The following CACNA1C variants were observed in gnomAD, a reference collection of about 807,000 sequenced individuals.
CACNA1C encodes voltage-dependent L-type calcium channel subunit alpha-1C.
A neutral mutation model predicts 229.0 loss-of-function variants in CACNA1C; 30 were observed. The observed-to-expected ratio is 0.13, with a 90% CI of 0.10 to 0.18. CACNA1C has a LOEUF of 0.18. Among genes scored for constraint, CACNA1C ranks in the 10% least tolerant of loss-of-function variants. The probability of loss-of-function intolerance (pLI) is 1.00; values close to 1 mark genes in which losing one functional copy is unlikely to be tolerated. For synonymous variants in CACNA1C, 1,114 were observed against 1,132.5 expected (o/e 0.98, Z 0.33); for missense variants, 1,658 against 2,845.0 (o/e 0.58, Z 9.49).
chr12:2,679,823 C>G lies in CACNA1C; in HGVS notation c.5444+27C>G, dbSNP rs570602398. 2.7e-6 allele frequency: 4 copies of G among 1,475,734 alleles called. No homozygotes were observed. The highest frequency in any genetic ancestry group is 2.5e-5 in the East Asian group (1 of 40,454). 91.4% of individuals were successfully genotyped at this position (1,475,734 alleles called of 1,614,324 possible). A position where few individuals can be genotyped will look rare whatever the true frequency, so the allele number is the denominator to read the frequency against. On this transcript the variant is annotated intron_variant, in intron 42 of 46. Transcript: ENST00000399655. This position sits in a 1 kb window ranked among gnomAD's most constrained non-coding sequence, Gnocchi z 5.5. ...TAAGTGGGAGGCTGGCCACCCCAGG[C>G]GGCACACAGGGCCCACGTGCTGCAA...
At chr12:2,129,072 C>T (rs1201034489) in intron 3 of CACNA1C, among the ~76,000 whole-genome samples, 1 of 152,202 alleles carries the variant, frequency 6.6e-6, no homozygotes, top group Non-Finnish European at 1.5e-5. Context: ...CTTTCCCACT[C>T]ATACCATCAC....
chr12:2,445,657 C>T (rs2099270467), intron 3 of CACNA1C, among the ~76,000 whole-genome samples: 1 of 152,120 alleles, frequency 6.6e-6, no homozygotes, highest in Non-Finnish European at 1.5e-5. Context: ...AACCTGTACC[C>T]AAGTGGAGGG....
chr12:2,603,838 C>T (rs1040750071), intron 22 of CACNA1C: 1 of 152,202 alleles, frequency 6.6e-6, no homozygotes, highest in African/African-American at 2.4e-5. Context: ...TACACAGAGC[C>T]TATAGAATGC....
chr12:2,373,108 G>A (rs1001832610), intron 3 of CACNA1C, among the ~76,000 whole-genome samples: 21 of 152,210 alleles, frequency 1.4e-4, no homozygotes, highest in Admixed American at 1.0e-3. Flanking sequence ...AAAGCATCTC[G>A]TTGTTCTTTA....
At chr12:2,241,207 T>C (rs1018400437) in intron 3 of CACNA1C, among the ~76,000 whole-genome samples, 4 of 152,126 alleles carry the variant, frequency 2.6e-5, no homozygotes, top group Non-Finnish European at 5.9e-5. Flanking sequence ...AGCCCCGCTA[T>C]GTCCCCGCGC....
chr12:2,336,022 CA>C (rs34731308), intron 3 of CACNA1C, among the ~76,000 whole-genome samples: 3,809 of 92,502 alleles, frequency 0.041, 127 homozygotes, highest in African/African-American at 0.12. Flanking sequence ...AAAACAACTC[CA>C]AAAAAAAAAA....
chr12:2,177,691 C>T (rs1020862079), intron 3 of CACNA1C, among the ~76,000 whole-genome samples: 1 of 151,552 alleles, frequency 6.6e-6, no homozygotes, highest in Non-Finnish European at 1.5e-5. Context: ...GGCTGGAGTG[C>T]AGTGGCACGA....
At chr12:2,628,169 C>T (rs935931216) in intron 29 of CACNA1C, among the ~76,000 whole-genome samples, 3 of 152,146 alleles carry the variant, frequency 2.0e-5, no homozygotes, top group Non-Finnish European at 4.4e-5. Context: ...AGAGAAGGAG[C>T]GAAGGACTCG....
intron 21 of CACNA1C, among the ~76,000 whole-genome samples, chr12:2,600,710 T>A (rs1287321582): frequency 6.6e-6 from 1 of 152,204 alleles, no homozygotes; most frequent in African/African-American, 2.4e-5. Flanking sequence ...GTAGCAGTCA[T>A]CGTCATCTTG....
At chr12:2,380,405 G>A (rs949597986) in intron 3 of CACNA1C, among the ~76,000 whole-genome samples, 2 of 152,180 alleles carry the variant, frequency 1.3e-5, no homozygotes, top group Non-Finnish European at 2.9e-5. Context: ...ATGGTATTAG[G>A]ATTCAAATAT....
intron 3 of CACNA1C, among the ~76,000 whole-genome samples, chr12:2,322,765 A>G (rs1329472478): frequency 6.6e-6 from 1 of 152,180 alleles, no homozygotes; most frequent in African/African-American, 2.4e-5. Flanking sequence ...CTGGGCTCGA[A>G]TTTCAGCTCT....
In CACNA1C at chr12:2,356,952, T is replaced by C. The variant is rs544800687; in HGVS notation, c.478-92024T>C. The stretch of plus-strand genomic sequence containing the variant: ...CTCAGAGTCCATGCCTTGGCCGTTC[T>C]AGAGTGCTGCAGCATCCTTTCTGTC... On this transcript the variant is annotated intron_variant, in intron 3 of 46. Transcript: ENST00000399655. 8.5e-5 allele frequency among the ~76,000 whole-genome samples: 13 copies of C among 152,360 alleles called. No individual in the cohort carries two copies. The East Asian group carries it at 2.5e-3, about 29-fold the overall frequency.
intron 1 of CACNA1C, among the ~76,000 whole-genome samples, chr12:2,064,855 C>T (rs2058760696): frequency 6.6e-6 from 1 of 152,142 alleles, no homozygotes; most frequent in Non-Finnish European, 1.5e-5. Flanking sequence ...TTGAACTCTG[C>T]TAATCTGAGG....
chr12:2,331,245 T>C (rs2096537361), intron 3 of CACNA1C, among the ~76,000 whole-genome samples: 1 of 152,232 alleles, frequency 6.6e-6, no homozygotes, highest in Non-Finnish European at 1.5e-5. Context: ...TATGTACATG[T>C]ATGGATGTAT....
chr12:2,316,796 G>A (rs1437909832), intron 3 of CACNA1C, among the ~76,000 whole-genome samples: 1 of 152,214 alleles, frequency 6.6e-6, no homozygotes, highest in East Asian at 1.9e-4. Flanking sequence ...GTCCTATGAA[G>A]AGCTGATTTG....
At chr12:1,996,645 A>AC (rs1235613576) in intron 1 of CACNA1C, among the ~76,000 whole-genome samples, 8 of 93,956 alleles carry the variant, frequency 8.5e-5, no homozygotes, top group East Asian at 3.8e-4. Context: ...AAAAAAAAAA[A>AC]AAAAAAAAAA....
rs191181469 is a variant in CACNA1C at position 2,174,238 on chromosome 12, T to G, written c.477+53808T>G. Among the ~76,000 whole-genome samples the G allele has an allele frequency of 5.2e-4, 79 of 152,200 alleles. 4 individuals carry two copies. Among genetic ancestry groups the G allele is most frequent in the Admixed American group, 4.6e-3 (71 of 15,278 alleles). Reference sequence around the variant, plus strand: ...GAAAACTCTAGACATCACCAGTGCCTGGGCTTTGTTGCAGGCAGAGGTGCT... The same window carrying G: ...GAAAACTCTAGACATCACCAGTGCCGGGGCTTTGTTGCAGGCAGAGGTGCT... On this transcript the variant is annotated intron_variant, in intron 3 of 46. Transcript: ENST00000399655.
rs1172267560 is a variant in CACNA1C at position 2,504,162 on chromosome 12, GA to G, written c.1114-676del. Among the ~76,000 whole-genome samples, 2 of 152,212 alleles carry G rather than the reference GA, an allele frequency of 1.3e-5. No individual in the cohort carries two copies. The highest frequency in any genetic ancestry group is 2.9e-5 in the Non-Finnish European group (2 of 68,024). ...ACCCATTTTCTCAGACAAGTGAATA[GA>G]AAACATTGGAGAAATGTTTCTTTTT... On this transcript the variant is annotated intron_variant, in intron 7 of 46. Transcript: ENST00000399655. The surrounding 1 kb of genome is among the most constrained non-coding windows in gnomAD (Gnocchi z 6.8).
intron 7 of CACNA1C, among the ~76,000 whole-genome samples, chr12:2,499,429 C>T (rs541241944): frequency 2.6e-5 from 4 of 152,232 alleles, no homozygotes; most frequent in African/African-American, 4.8e-5. Context: ...CTTGAGAACC[C>T]GTGGAAGTCT....
Sources: allele counts gnomAD v4.1 joint callset (sites outside exome capture counted in the v4.1 genomes callset), GRCh38; gene constraint gnomAD v4.1.1; non-coding constraint Gnocchi (gnomAD v3.1); transcripts MANE v1.5; gene names NCBI Gene and HGNC (gene_info 2026-07-23, HGNC 2026-07-21).